ANKS3: variants seen among roughly 807,000 people sequenced by gnomAD.
ANKS3 encodes ankyrin repeat and SAM domain-containing protein 3.
A neutral mutation model predicts 80.7 loss-of-function variants in ANKS3; 62 were observed. That is an observed-to-expected ratio of 0.77 (90% CI 0.63 to 0.95). The LOEUF is 0.95. ANKS3 is among the 40% of genes least tolerant of loss of function. ANKS3 has a pLI of 0.00. For missense variants in ANKS3, 1,150 were observed against 883.6 expected (o/e 1.30, Z -3.82); for synonymous variants, 489 against 355.3 (o/e 1.38, Z -4.23).
intron 6 of ANKS3, among the ~76,000 whole-genome samples, chr16:4,716,460 A>ACC (rs2080802279): frequency 6.6e-6 from 1 of 150,802 alleles, no homozygotes; most frequent in Non-Finnish European, 1.5e-5. Context: ...CTCAACCTTG[A>ACC]CCCCCATATG....
At position 4,701,777 on chromosome 16, in the gene ANKS3, C is replaced by T. The variant is rs2079920766; in HGVS notation, c.1010-234G>A. The stretch of plus-strand genomic sequence containing the variant: ...AGCACCCGGAGCAGTGCTTGGCACA[C>T]GGTGGGCACTATGGAAACAGCTGCT... On this transcript the variant is annotated intron_variant, in intron 9 of 17. Transcript: ENST00000304283. 6 of 512,702 alleles carry T rather than the reference C, an allele frequency of 1.2e-5. No individual in the cohort carries two copies. In the Admixed American group the frequency reaches 1.8e-4, roughly 15 times the overall value. 31.8% of individuals were successfully genotyped at this position (512,702 alleles called of 1,614,324 possible).
At position 4,714,322 on chromosome 16, in the gene ANKS3, T is replaced by A. The variant is rs963578611; in HGVS notation, c.574-136A>T. 7 of 1,301,310 alleles carry A rather than the reference T, an allele frequency of 5.4e-6. No homozygotes were observed. The African/African-American group carries it at 1.0e-4, about 19-fold the overall frequency. The allele number at this position is 1,301,310 out of a possible 1,614,324, so 80.6% of individuals were successfully genotyped here. ...CTGTGTGGGAAACATCACATCTGCA[T>A]GAGAAAGAGGCAGGCTTGTCTGCAC... is the stretch of plus-strand genomic sequence containing the variant. On this transcript the variant is annotated intron_variant, in intron 6 of 17. Coordinates refer to ENST00000304283, the MANE Select transcript of ANKS3 (RefSeq NM_133450.4).
chr16:4,697,699 C>T, intron 15 of ANKS3, among the ~76,000 whole-genome samples: 1 of 152,244 alleles, frequency 6.6e-6, no homozygotes, highest in Admixed American at 6.5e-5. Context: ...ACAGAAGTCA[C>T]TGGCGGTCTC....
intron 7 of ANKS3, among the ~76,000 whole-genome samples, chr16:4,705,963 G>A (rs2080166601): frequency 6.7e-6 from 1 of 148,622 alleles, no homozygotes; most frequent in Admixed American, 6.7e-5. Context: ...TTTTGCTCTT[G>A]CTGCCCAGGC....
Position 4,697,141 on chromosome 16 carries a change from C to T in ANKS3, c.1895-37G>A, listed in dbSNP as rs752236233. 5 of 1,604,560 alleles carry T rather than the reference C, an allele frequency of 3.1e-6. No homozygotes were observed. The African/African-American group carries it at 4.0e-5, about 13-fold the overall frequency. On this transcript the variant is annotated intron_variant, in intron 16 of 17. Coordinates refer to ENST00000304283, the MANE Select transcript of ANKS3 (RefSeq NM_133450.4). The stretch of plus-strand genomic sequence containing the variant: ...TGACCTTGAGCCTCTCCCGGCCAGG[C>T]TCAGGAGGGCTGGGTGGTGCTGCCC...
chr16:4,698,975 C>T (rs772675026), intron 12 of ANKS3, 34 bp from the exon 13 acceptor site: 23 of 1,612,334 alleles, frequency 1.4e-5, no homozygotes, highest in Non-Finnish European at 1.9e-5. Flanking sequence ...TATGCCTCAG[C>T]GTCCCAAGAG....
At position 4,697,324 on chromosome 16, in the gene ANKS3, G is replaced by C. The variant is rs1567282603; in HGVS notation, c.1894+9C>G. 3 of 1,598,648 alleles carry C rather than the reference G, an allele frequency of 1.9e-6. No individual in the cohort carries two copies. The highest frequency in any genetic ancestry group is 1.7e-6 in the Non-Finnish European group (2 of 1,170,974). ...GGAGCGCTCAGTCGTCTGGTCCCCG[G>C]AGACTCACCCATCTCACGGACACGG... On this transcript the variant is annotated intron_variant, in intron 16 of 17. Coordinates refer to ENST00000304283, the MANE Select transcript of ANKS3 (RefSeq NM_133450.4).
At chr16:4,733,692 A>T (rs988208626) in intron 1 of ANKS3, among the ~76,000 whole-genome samples, 4 of 152,218 alleles carry the variant, frequency 2.6e-5, no homozygotes, top group African/African-American at 9.6e-5. Flanking sequence ...ACATGTGATT[A>T]TTACGAACTG....
rs137888673 is a variant in ANKS3 at position 4,700,714 on chromosome 16, C to G, written c.1284+256G>C. The G allele has an allele frequency of 2.6e-4, 160 of 621,416 alleles. No individual in the cohort carries two copies. In the East Asian group the frequency reaches 4.9e-3, roughly 19 times the overall value. The allele number at this position is 621,416 out of a possible 1,614,324, so 38.5% of individuals were successfully genotyped here. On this transcript the variant is annotated intron_variant, in intron 11 of 17. Transcript: ENST00000304283. ...CAAGTGTGCTTTTCTTCTCCCCAGGCTCAGGGAGGCCAACTCCAGTATGGA... is the reference window on the plus strand; with the variant it reads ...CAAGTGTGCTTTTCTTCTCCCCAGGGTCAGGGAGGCCAACTCCAGTATGGA...
chr16:4,701,242 C>G, intron 10 of ANKS3, 108 bp from the exon 11 acceptor site: 2 of 1,526,120 alleles, frequency 1.3e-6, no homozygotes, highest in Non-Finnish European at 1.8e-6. Context: ...AAACCCCCCA[C>G]CCGCCACACA....
intron 7 of ANKS3, among the ~76,000 whole-genome samples, chr16:4,709,600 G>C (rs531820289): frequency 6.6e-6 from 1 of 152,228 alleles, no homozygotes; most frequent in South Asian, 2.1e-4. Context: ...CAGAAAATGA[G>C]TTTATATACA....
chr16:4,726,715 G>A lies in ANKS3; in HGVS notation c.435C>T (p.Ala145=), dbSNP rs2081371661. The change falls in exon 5 of 18, where the codon GCC becomes GCT. Residue 145 remains alanine (A), a synonymous_variant. Transcript: ENST00000304283. ...GGAACCTGACCATGTGCTGGTGCCC[G>A]GCGCTGGTACAGTGGAAGAGGGCTG... ...GWTALFHCTS[A]GHQHMVRFLL... 8 of 1,614,220 alleles carry A rather than the reference G, an allele frequency of 5.0e-6. No individual in the cohort carries two copies. Among genetic ancestry groups the A allele is most frequent in the Middle Eastern group, 1.7e-4 (1 of 6,060 alleles).
At chr16:4,717,274 C>G (rs186871409) in intron 6 of ANKS3, among the ~76,000 whole-genome samples, 1 of 151,934 alleles carries the variant, frequency 6.6e-6, no homozygotes, top group Non-Finnish European at 1.5e-5. Flanking sequence ...CTTGGCTGGG[C>G]ACAGAGGCTC....
At chr16:4,700,885 G>A in intron 11 of ANKS3, 85 bp downstream of exon 11, 1 of 1,537,500 alleles carries the variant, frequency 6.5e-7, no homozygotes, top group Non-Finnish European at 8.9e-7. Context: ...GCAGCGCCTG[G>A]CACGTCATAT....
At chr16:4,700,713 G>A (rs747076411) in intron 11 of ANKS3, 9 of 617,508 alleles carry the variant, frequency 1.5e-5, no homozygotes, top group Middle Eastern at 5.1e-4. Flanking sequence ...TTCTCCCCAG[G>A]CTCAGGGAGG....
rs145984825 is a variant in ANKS3, at chr16:4,699,075, G to A, written c.1386C>T (p.Ser462=). 4.9e-4 allele frequency: 793 copies of A among 1,614,128 alleles called. 6 individuals are homozygous for A. In the African/African-American group the frequency reaches 8.8e-3, roughly 18 times the overall value. The change falls in exon 12 of 18, where the codon AGC becomes AGT. Residue 462 remains serine (S), a synonymous_variant. Coordinates refer to ENST00000304283, the MANE Select transcript of ANKS3 (RefSeq NM_133450.4). ...ACGTGATGCCAATTTCCTTCAGGTC[G>A]CTCTCAGTGAGGGTCAGAAAGATGC... ...DLRIFLTLTE[S]DLKEIGITLF...
At chr16:4,714,244 T>C (rs1284561151) in intron 6 of ANKS3, 58 bp from the exon 7 acceptor site, 10 of 1,596,406 alleles carry the variant, frequency 6.3e-6, no homozygotes, top group Non-Finnish European at 8.5e-6. Context: ...CTGCCCTTCC[T>C]GGGCTGCTGG....
rs900627241 is a variant in ANKS3 at position 4,696,839 on chromosome 16, GTCC to G, written c.*66_*68del. 66 of 654,328 alleles carry G rather than the reference GTCC, an allele frequency of 1.0e-4. No individual in the cohort carries two copies. Among genetic ancestry groups the G allele is most frequent in the African/African-American group, 9.5e-4 (53 of 55,502 alleles). The allele number at this position is 654,328 out of a possible 1,614,324, so 40.5% of individuals were successfully genotyped here. On this transcript the variant is annotated 3_prime_UTR_variant, in exon 18 of 18. Transcript: ENST00000304283. ...TGCACATGGCAGCTACCTGCTCACTGTCCTCCTCACTCCCTGGCACACAGCTTC... is the reference window on the plus strand; with the variant it reads ...TGCACATGGCAGCTACCTGCTCACTGTCCTCACTCCCTGGCACACAGCTTC...
rs762936052 is a variant in ANKS3, at chr16:4,699,061, A to G, written c.1400T>C (p.Ile467Thr). Reference protein sequence around the residue: ...LTLTESDLKEIGITLFGPKRK... With the variant: ...LTLTESDLKETGITLFGPKRK... ...GCCCTTCTGGACGCACGTGATGCCA[A>G]TTTCCTTCAGGTCGCTCTCAGTGAG... Residue 467 changes from isoleucine to threonine, a missense_variant, in exon 12 of 18, where the codon ATT (isoleucine) becomes ACT (threonine). By Grantham distance (89) the Ile-to-Thr change is moderately conservative. Coordinates refer to ENST00000304283, the MANE Select transcript of ANKS3 (RefSeq NM_133450.4). 6.8e-6 allele frequency: 11 copies of G among 1,613,966 alleles called. No homozygotes were observed. Among genetic ancestry groups the G allele is most frequent in the East Asian group, 2.2e-5 (1 of 44,876 alleles).
Sources: allele counts gnomAD v4.1 joint callset (sites outside exome capture counted in the v4.1 genomes callset), GRCh38; gene constraint gnomAD v4.1.1; transcripts MANE v1.5; gene names NCBI Gene and HGNC (gene_info 2026-07-23, HGNC 2026-07-21).